EPB41L4B: variants seen among roughly 807,000 people sequenced by gnomAD.
EPB41L4B encodes the protein band 4.1-like protein 4B.
EPB41L4B carries 30 observed loss-of-function variants against 112.5 expected under a neutral mutation model. That is an observed-to-expected ratio of 0.27 (90% CI 0.20 to 0.36). The LOEUF is 0.36. Among genes scored for constraint, EPB41L4B ranks in the 10% least tolerant of loss-of-function variants. The probability of loss-of-function intolerance (pLI) is 1.00; values close to 1 mark genes in which losing one functional copy is unlikely to be tolerated. For synonymous variants in EPB41L4B, 408 were observed against 439.7 expected, an observed-to-expected ratio of 0.93 and a Z score of 0.90; for missense variants, 1,024 against 1,133.3, an observed-to-expected ratio of 0.90 and a Z score of 1.38.
At chr9:109,269,927 GAAC>G (rs1835550669) in intron 2 of EPB41L4B, among the ~76,000 whole-genome samples, 1 of 152,178 alleles carries the variant, frequency 6.6e-6, no homozygotes, top group South Asian at 2.1e-4. Flanking sequence ...ACACAAAAGC[GAAC>G]AACAGATGAT....
intron 1 of EPB41L4B, among the ~76,000 whole-genome samples, chr9:109,299,078 AT>A (rs1211966433): frequency 1.3e-5 from 2 of 152,212 alleles, no homozygotes; most frequent in African/African-American, 2.4e-5. Context: ...GACAGGGGAC[AT>A]TCTAACGAGC....
At chr9:109,259,169 C>T (rs1168030725) in intron 6 of EPB41L4B, among the ~76,000 whole-genome samples, 2 of 152,202 alleles carry the variant, frequency 1.3e-5, no homozygotes, top group Non-Finnish European at 2.9e-5. Flanking sequence ...AAACGCAGAA[C>T]CTGAAACCCC....
intron 1 of EPB41L4B, among the ~76,000 whole-genome samples, chr9:109,297,142 G>A (rs1836761360): frequency 6.8e-6 from 1 of 147,638 alleles, no homozygotes; most frequent in Admixed American, 6.7e-5. Context: ...CAGACACCAG[G>A]GACACATACG....
At chr9:109,296,078 T>C (rs1836720812) in intron 1 of EPB41L4B, among the ~76,000 whole-genome samples, 1 of 152,142 alleles carries the variant, frequency 6.6e-6, no homozygotes, top group Non-Finnish European at 1.5e-5. Context: ...CTCCATGCAA[T>C]TCTGAAAGCA....
chr9:109,264,281 A>C (rs966625457), intron 5 of EPB41L4B, among the ~76,000 whole-genome samples: 6 of 152,246 alleles, frequency 3.9e-5, no homozygotes, highest in African/African-American at 1.4e-4. Flanking sequence ...CAAAATCAGA[A>C]CGTATTCTTT....
Position 109,208,031 on chromosome 9 carries a change from A to T in EPB41L4B, c.1771T>A (p.Ser591Thr). 6.2e-7 allele frequency: 1 copy of T among 1,614,188 alleles called. No homozygotes were observed. The highest frequency in any genetic ancestry group is 8.5e-7 in the Non-Finnish European group (1 of 1,180,038). The change falls in exon 18 of 26, where the codon TCG becomes ACG. Residue 591 changes from serine (S) to threonine (T), a missense_variant. Coordinates refer to ENST00000374566, the MANE Select transcript of EPB41L4B (RefSeq NM_019114.5). ...NINKAEEKKV[S>T]EKTLQTPLLP... ...AGTGGAGTCTGAAGAGTTTTCTCCG[A>T]GACTTTCTTTTCTTCAGCCTGAGAC...
chr9:109,182,786 G>T lies in EPB41L4B; in HGVS notation c.2430C>A (p.Phe810Leu). Residue 810 changes from phenylalanine to leucine, a missense_variant, in exon 24 of 26, where the codon TTC becomes TTA. Transcript: ENST00000374566. Reference sequence around the variant, plus strand: ...GAAACGGGTTCATTGTATCAACCGGGAATGTTTTTATCTTCAAAAGAGAGA... The same window carrying T: ...GAAACGGGTTCATTGTATCAACCGGTAATGTTTTTATCTTCAAAAGAGAGA... ...PPIKTRLIKT[F>L]PVDTMNPFPD... The T allele has an allele frequency of 1.2e-6, 2 of 1,611,442 alleles. No homozygotes were observed. Among genetic ancestry groups the T allele is most frequent in the South Asian group, 1.1e-5 (1 of 91,034 alleles).
chr9:109,223,912 T>C (rs1436503403), intron 15 of EPB41L4B, among the ~76,000 whole-genome samples: 4 of 151,880 alleles, frequency 2.6e-5, no homozygotes, highest in African/African-American at 4.8e-5. Context: ...CCAGCTACTC[T>C]GGAGGCTGAA....
At chr9:109,311,970 C>T (rs1401271120) in intron 1 of EPB41L4B, among the ~76,000 whole-genome samples, 9 of 152,232 alleles carry the variant, frequency 5.9e-5, no homozygotes, top group East Asian at 1.9e-4. Flanking sequence ...CTGCCTGACG[C>T]GTAAGTGATC....
chr9:109,267,343 A>G (rs1010083741), intron 4 of EPB41L4B, 130 bp downstream of exon 4: 1 of 571,588 alleles, frequency 1.7e-6, no homozygotes. Flanking sequence ...GCACCGGAAA[A>G]GTACTAATAA....
chr9:109,255,489 T>C (rs752795851), intron 11 of EPB41L4B, 22 bp downstream of exon 11: 3 of 1,611,498 alleles, frequency 1.9e-6, no homozygotes, highest in South Asian at 1.1e-5. Flanking sequence ...ACGTGATCCG[T>C]GTTGCAGAAA....
At chr9:109,262,989 C>T (rs1835272344) in intron 6 of EPB41L4B, 61 bp downstream of exon 6, 1 of 1,169,528 alleles carries the variant, frequency 8.6e-7, no homozygotes, top group African/African-American at 1.5e-5. Flanking sequence ...TGTGGACACT[C>T]ATTTGTTGAA....
chr9:109,226,696 GAATATATATAT>G (rs1833781763), intron 15 of EPB41L4B, among the ~76,000 whole-genome samples: 1 of 16,124 alleles, frequency 6.2e-5, no homozygotes, highest in South Asian at 2.1e-3. Flanking sequence ...ATATATATAT[GAATATATATAT>G]GAAGAATATA....
At chr9:109,272,547 G>T (rs1434911878) in intron 2 of EPB41L4B, among the ~76,000 whole-genome samples, 2 of 152,246 alleles carry the variant, frequency 1.3e-5, no homozygotes, top group South Asian at 4.2e-4. Context: ...GAGGTGAGGA[G>T]TTCAAGGCCA....
chr9:109,316,048 C>T (rs537325965), intron 1 of EPB41L4B, among the ~76,000 whole-genome samples: 78 of 152,274 alleles, frequency 5.1e-4, no homozygotes, highest in African/African-American at 1.9e-3. Context: ...CACTCTGTTG[C>T]ACCATGAGGC....
intron 7 of EPB41L4B, 47 bp from the exon 8 acceptor site, chr9:109,256,527 C>T (rs746881886): frequency 6.4e-7 from 1 of 1,552,028 alleles, no homozygotes. Flanking sequence ...CTCGTAAGCC[C>T]ACAGGATTCT....
At chr9:109,281,751 A>G (rs1836068019) in intron 1 of EPB41L4B, among the ~76,000 whole-genome samples, 1 of 151,870 alleles carries the variant, frequency 6.6e-6, no homozygotes, top group Non-Finnish European at 1.5e-5. Flanking sequence ...AAAAAAGATC[A>G]TAACAAATGT....
chr9:109,247,683 C>G (rs532957766), intron 14 of EPB41L4B, 73 bp downstream of exon 14: 7 of 1,126,554 alleles, frequency 6.2e-6, no homozygotes, highest in Non-Finnish European at 8.4e-6. Flanking sequence ...AGAAACTTTA[C>G]AAAAACCTTT....
At chr9:109,231,727 G>A (rs1242752472) in intron 15 of EPB41L4B, among the ~76,000 whole-genome samples, 2 of 152,170 alleles carry the variant, frequency 1.3e-5, no homozygotes, top group Admixed American at 1.3e-4. Context: ...ATAGGTGTAA[G>A]CAGGTCCCGA....
Sources: gnomAD v4.1 joint callset for allele counts (sites outside exome capture counted in the v4.1 genomes callset) on GRCh38, gnomAD v4.1.1 for gene constraint, MANE v1.5 for transcripts, NCBI Gene and HGNC (gene_info 2026-07-23, HGNC 2026-07-21) for gene names.